Variants in PCGF3 observed in about 807,000 individuals in gnomAD.
PCGF3 encodes the protein polycomb group RING finger protein 3.
Under a neutral mutation model 33.1 loss-of-function variants are expected in PCGF3, and 7 were observed. The ratio of observed to expected loss-of-function variants is 0.21; its 90% CI spans 0.12 to 0.40. PCGF3 has a LOEUF of 0.40. Ranked by LOEUF, PCGF3 falls within the 10% of genes least tolerant of loss-of-function variation. The pLI is 1.00. For synonymous variants in PCGF3, 153 were observed against 121.3 expected, an observed-to-expected ratio of 1.26 and a Z score of -1.72; for missense variants, 211 against 313.3, an observed-to-expected ratio of 0.67 and a Z score of 2.46.
intron 1 of PCGF3, among the ~76,000 whole-genome samples, chr4:715,263 TG>T (rs1742763390): frequency 7.1e-6 from 1 of 139,958 alleles, no homozygotes; most frequent in African/African-American, 2.7e-5. Context: ...GTGTCGGTGC[TG>T]GGACCCTGTA....
intron 1 of PCGF3, among the ~76,000 whole-genome samples, chr4:726,397 G>T (rs993656987): frequency 6.6e-6 from 1 of 152,212 alleles, no homozygotes; most frequent in Non-Finnish European, 1.5e-5. Context: ...CAGCAAACCC[G>T]CTCACACAGC....
rs200416766 is a variant in PCGF3 at position 709,377 on chromosome 4, G to C, written c.-190+3407G>C. Among the ~76,000 whole-genome samples the C allele has an allele frequency of 9.5e-4, 144 of 151,864 alleles. 3 individuals are homozygous for C. The East Asian group carries it at 0.028, about 29-fold the overall frequency. On this transcript the variant is annotated intron_variant, in intron 1 of 10. Coordinates refer to ENST00000362003, the Ensembl canonical transcript of PCGF3. ...GAACAAATGAATGAAAGGCAAGAGT[G>C]AATGATGCATGAACACATGAATGAA...
At chr4:728,016 C>A (rs1696422368) in intron 1 of PCGF3, among the ~76,000 whole-genome samples, 1 of 152,184 alleles carries the variant, frequency 6.6e-6, no homozygotes, top group South Asian at 2.1e-4. Flanking sequence ...CTGGAACTTC[C>A]TGGGTTTTCT....
intron 9 of PCGF3, 21 bp from the exon 10 acceptor site, chr4:764,963 T>C: frequency 1.2e-6 from 2 of 1,600,724 alleles, no homozygotes; most frequent in Non-Finnish European, 1.7e-6. Flanking sequence ...CCGCTGCTAA[T>C]CAAACCTCCT....
chr4:729,457 C>A (rs1743462270), intron 1 of PCGF3, among the ~76,000 whole-genome samples: 1 of 152,092 alleles, frequency 6.6e-6, no homozygotes, highest in Non-Finnish European at 1.5e-5. Context: ...TGAGATCCTT[C>A]AGTCCCACAA....
intron 9 of PCGF3, chr4:762,049 G>T: frequency 1.0e-6 from 1 of 985,396 alleles, no homozygotes; most frequent in East Asian, 1.1e-4. Flanking sequence ...GACTGTGGTG[G>T]GGGCGGTCAG....
intron 8 of PCGF3, among the ~76,000 whole-genome samples, chr4:748,276 TG>T (rs1477638676): frequency 6.6e-6 from 1 of 152,010 alleles, no homozygotes. Context: ...CCCGGCTCAC[TG>T]CAGCCTCTGC....
intron 7 of PCGF3, 125 bp from the exon 8 acceptor site, chr4:744,475 C>A (rs1049578063): frequency 5.6e-6 from 4 of 720,314 alleles, no homozygotes; most frequent in Admixed American, 2.6e-5. Flanking sequence ...ACGCTTACTC[C>A]GCTCCGGGGG....
At chr4:736,045 C>T (rs10008911) in intron 5 of PCGF3, among the ~76,000 whole-genome samples, 140,181 of 152,100 alleles carry the variant, frequency 0.92, 64,650 homozygotes, top group African/African-American at 0.95. Flanking sequence ...TATTATTTTT[C>T]TTAATTTTAT....
At chr4:730,399 A>C (rs1054318486) in intron 1 of PCGF3, among the ~76,000 whole-genome samples, 1 of 149,924 alleles carries the variant, frequency 6.7e-6, no homozygotes, top group Admixed American at 6.7e-5. Flanking sequence ...CCACGTGCCC[A>C]CTCCTGCTGT....
At chr4:749,780 T>C (rs763630805) in intron 8 of PCGF3, among the ~76,000 whole-genome samples, 1 of 152,188 alleles carries the variant, frequency 6.6e-6, no homozygotes, top group Non-Finnish European at 1.5e-5. Context: ...TTGCTGAATT[T>C]TCTTAAAACT....
chr4:712,203 A>G (rs996192954), intron 1 of PCGF3, among the ~76,000 whole-genome samples: 1 of 152,236 alleles, frequency 6.6e-6, no homozygotes, highest in Non-Finnish European at 1.5e-5. Context: ...AAACAAAACT[A>G]TCTTTCCAGA....
chr4:722,328 C>T (rs1025402237), intron 1 of PCGF3: 10 of 181,566 alleles, frequency 5.5e-5, no homozygotes, highest in African/African-American at 1.2e-4. Context: ...GCTGCAGGCG[C>T]GACTCAGAAC....
At chr4:756,830 G>A (rs113438331) in intron 8 of PCGF3, among the ~76,000 whole-genome samples, 54 of 152,202 alleles carry the variant, frequency 3.5e-4, no homozygotes, top group African/African-American at 1.2e-3. Flanking sequence ...GGGGCCTGCC[G>A]GGGGCTCTGA....
intron 8 of PCGF3, among the ~76,000 whole-genome samples, chr4:754,458 C>T (rs1560214798): frequency 1.3e-5 from 2 of 152,086 alleles, no homozygotes; most frequent in African/African-American, 2.4e-5. Context: ...TGGTGGGGAG[C>T]GGAGAGCCCA....
intron 8 of PCGF3, among the ~76,000 whole-genome samples, chr4:748,354 T>TC (rs1744362311): frequency 1.3e-5 from 2 of 151,982 alleles, no homozygotes; most frequent in South Asian, 4.2e-4. Context: ...CACCTGCCGC[T>TC]CCGTCTGGTT....
chr4:743,166 G>C (rs1744167137), intron 6 of PCGF3, among the ~76,000 whole-genome samples: 2 of 152,338 alleles, frequency 1.3e-5, no homozygotes, highest in African/African-American at 4.8e-5. Context: ...GACACTCACA[G>C]GCAGTGGCTG....
At chr4:765,972 G>T (rs138021820) in intron 10 of PCGF3, 60 bp from the exon 11 acceptor site, 3 of 1,487,792 alleles carry the variant, frequency 2.0e-6, no homozygotes, top group Non-Finnish European at 2.8e-6. Flanking sequence ...TCCCGATGAA[G>T]TAGGTCCTTC....
chr4:762,215 G>A, intron 9 of PCGF3: 1 of 530,962 alleles, frequency 1.9e-6, no homozygotes, highest in Non-Finnish European at 2.4e-6. Flanking sequence ...AGGATTTTGG[G>A]ATGAAATAAT....
Sources: gnomAD v4.1 joint callset for allele counts (sites outside exome capture counted in the v4.1 genomes callset) on GRCh38, gnomAD v4.1.1 for gene constraint, MANE v1.5 for transcripts, NCBI Gene and HGNC (gene_info 2026-07-23, HGNC 2026-07-21) for gene names.